The following NEDD4 variants were observed in gnomAD, a reference collection of about 807,000 sequenced individuals.
NEDD4 encodes the protein NEDD4 E3 ubiquitin protein ligase.
In NEDD4, 99 loss-of-function variants were observed where a neutral mutation model predicts 144.9. The ratio of observed to expected loss-of-function variants is 0.68; its 90% CI spans 0.58 to 0.81. NEDD4 has a LOEUF of 0.81. NEDD4 is among the 30% of genes least tolerant of loss of function. NEDD4 has a pLI of 0.00. For missense variants in NEDD4, 985 were observed against 1,065.9 expected, an observed-to-expected ratio of 0.92 and a Z score of 1.06; for synonymous variants, 318 against 350.6, an observed-to-expected ratio of 0.91 and a Z score of 1.04.
Position 55,833,009 on chromosome 15 carries a change from G to A in NEDD4, c.2526C>T (p.Tyr842=), listed in dbSNP as rs745553291. The A allele has an allele frequency of 3.3e-5, 53 of 1,602,382 alleles. No homozygotes were observed. The highest frequency in any genetic ancestry group is 8.4e-5 in the Admixed American group (5 of 59,618). Residue 842 remains tyrosine, a splice_region_variant and synonymous_variant, in exon 27 of 29, where the codon TAC becomes TAT. Transcript: ENST00000435532. ...RVPMNGFAEL[Y]GSNGPQSFTV... is the part of the protein sequence containing the mutation. ...TAATGATCTATGGAAAATCCTTACC[G>A]TATAGTTCAGCAAATCCATTCATAG...
chr15:55,952,347 A>C (rs1292173682), intron 2 of NEDD4, among the ~76,000 whole-genome samples: 1 of 152,038 alleles, frequency 6.6e-6, no homozygotes, highest in Non-Finnish European at 1.5e-5. Context: ...AAATAAAATA[A>C]AATAAAATAA....
intron 5 of NEDD4, among the ~76,000 whole-genome samples, chr15:55,876,519 CTTATA>C (rs1373117118): frequency 2.0e-5 from 3 of 151,886 alleles, no homozygotes; most frequent in African/African-American, 4.8e-5. Flanking sequence ...TGTTGCAAGA[CTTATA>C]TTTTATATAA....
chr15:55,982,409 G>A (rs905371521), intron 1 of NEDD4, among the ~76,000 whole-genome samples: 2 of 152,006 alleles, frequency 1.3e-5, no homozygotes, highest in African/African-American at 4.8e-5. Context: ...TTCATACAAC[G>A]AAATACTATT....
chr15:55,979,138 C>T (rs2037754803), intron 1 of NEDD4, among the ~76,000 whole-genome samples: 1 of 151,584 alleles, frequency 6.6e-6, no homozygotes, highest in African/African-American at 2.4e-5. Flanking sequence ...TACTAGTTCA[C>T]TATTAAAATC....
chr15:55,937,412 G>A (rs570864101), intron 4 of NEDD4, among the ~76,000 whole-genome samples: 18 of 152,214 alleles, frequency 1.2e-4, no homozygotes, highest in South Asian at 2.1e-4. Flanking sequence ...ATATTTCACC[G>A]TATGTTTTCA....
intron 1 of NEDD4, among the ~76,000 whole-genome samples, chr15:55,993,120 G>A (rs1490697443): frequency 6.6e-6 from 1 of 152,242 alleles, no homozygotes; most frequent in East Asian, 1.9e-4. Context: ...ATCAACAGCG[G>A]GGATGCTGCG....
chr15:55,886,478 T>C (rs1302205013), intron 5 of NEDD4, among the ~76,000 whole-genome samples: 2 of 152,078 alleles, frequency 1.3e-5, no homozygotes, highest in African/African-American at 4.8e-5. Flanking sequence ...TTTAAAAAAT[T>C]GAAATGGGCC....
chr15:55,888,854 A>T (rs7182397), intron 5 of NEDD4, among the ~76,000 whole-genome samples: 47,348 of 152,086 alleles, frequency 0.31, 7,506 homozygotes, highest in South Asian at 0.41. Context: ...TGGGGAAAGG[A>T]CAGTTTCTTT....
intron 5 of NEDD4, 52 bp downstream of exon 5, chr15:55,924,594 C>A: frequency 1.3e-6 from 2 of 1,502,024 alleles, no homozygotes; most frequent in South Asian, 1.2e-5. Flanking sequence ...CCTGGCTGCT[C>A]CACTGAAATG....
chr15:55,910,038 A>G (rs1595831990), intron 5 of NEDD4, among the ~76,000 whole-genome samples: 1 of 152,222 alleles, frequency 6.6e-6, no homozygotes, highest in South Asian at 2.1e-4. Flanking sequence ...TGCTTATTCT[A>G]TAGTTCCAAG....
chr15:55,868,696 T>G (rs1395171829), intron 8 of NEDD4, among the ~76,000 whole-genome samples: 3 of 152,196 alleles, frequency 2.0e-5, no homozygotes, highest in African/African-American at 7.2e-5. Flanking sequence ...AATTACCCAG[T>G]CTCTGATATT....
Position 55,829,853 on chromosome 15 carries a change from A to T in NEDD4, c.*44T>A. ...AAAATTTTAAGTCAAGATTTTGGTT[A>T]TAAAACTATGGCAGTAAAAACACTA... On this transcript the variant is annotated 3_prime_UTR_variant, in exon 29 of 29. Coordinates refer to ENST00000435532, the MANE Select transcript of NEDD4 (RefSeq NM_006154.4). 1.1e-5 allele frequency: 16 copies of T among 1,481,350 alleles called. No individual in the cohort carries two copies. The highest frequency in any genetic ancestry group is 1.5e-5 in the Non-Finnish European group (16 of 1,078,892). The allele number at this position is 1,481,350 out of a possible 1,614,324, so 91.8% of individuals were successfully genotyped here.
chr15:55,907,654 T>C (rs1427739230), intron 5 of NEDD4, among the ~76,000 whole-genome samples: 5 of 152,222 alleles, frequency 3.3e-5, no homozygotes, highest in Non-Finnish European at 2.9e-5. Flanking sequence ...CTTTCAGCCT[T>C]GTTACAAAAG....
intron 13 of NEDD4, among the ~76,000 whole-genome samples, chr15:55,851,404 TATAAA>T (rs764246267): frequency 4.6e-4 from 70 of 152,118 alleles, no homozygotes; most frequent in Non-Finnish European, 6.5e-4. Context: ...CACCTCATTC[TATAAA>T]ATAAAATGAG....
At chr15:55,906,318 A>C (rs2036092209) in intron 5 of NEDD4, among the ~76,000 whole-genome samples, 1 of 152,180 alleles carries the variant, frequency 6.6e-6, no homozygotes, top group Non-Finnish European at 1.5e-5. Context: ...TGCTGCTATA[A>C]AGACACATGG....
chr15:55,951,452 T>G (rs1351641557), intron 3 of NEDD4, 38 bp from the exon 4 acceptor site: 1 of 1,322,794 alleles, frequency 7.6e-7, no homozygotes, highest in East Asian at 2.6e-5. Context: ...AAATAAGGTT[T>G]TGTCTTATAA....
At chr15:55,979,274 A>AAGATTAG (rs2037757371) in intron 1 of NEDD4, among the ~76,000 whole-genome samples, 1 of 151,582 alleles carries the variant, frequency 6.6e-6, no homozygotes, top group African/African-American at 2.4e-5. Flanking sequence ...CACACACAGA[A>AAGATTAG]AGATTAGAAG....
At chr15:55,842,899 C>A (rs2033578254) in intron 18 of NEDD4, among the ~76,000 whole-genome samples, 1 of 152,160 alleles carries the variant, frequency 6.6e-6, no homozygotes. Flanking sequence ...CAGACTGTGC[C>A]AGTGATATAT....
chr15:55,929,727 T>C (rs551213913), intron 4 of NEDD4, among the ~76,000 whole-genome samples: 2 of 152,330 alleles, frequency 1.3e-5, no homozygotes, highest in South Asian at 4.1e-4. Context: ...CACTGTTAAG[T>C]ATGATAGATT....
Sources: gnomAD v4.1 joint callset for allele counts (sites outside exome capture counted in the v4.1 genomes callset) on GRCh38, gnomAD v4.1.1 for gene constraint, MANE v1.5 for transcripts, NCBI Gene and HGNC (gene_info 2026-07-23, HGNC 2026-07-21) for gene names.